LRRC7: variants seen among roughly 807,000 people sequenced by gnomAD.
LRRC7 encodes the protein leucine-rich repeat-containing protein 7.
In LRRC7, 23 loss-of-function variants were observed where a neutral mutation model predicts 175.7. The observed-to-expected ratio is 0.13, with a 90% CI of 0.09 to 0.19. The LOEUF (loss-of-function observed/expected upper bound fraction) is 0.19, where lower values mean the gene tolerates loss of function less well. LRRC7 is among the 10% of genes least tolerant of loss of function. The pLI is 1.00. For synonymous variants in LRRC7, 685 were observed against 680.9 expected, an observed-to-expected ratio of 1.01 and a Z score of -0.09; for missense variants, 1,354 against 1,904.7, an observed-to-expected ratio of 0.71 and a Z score of 5.38.
At chr1:70,089,395 T>C (rs1663855506) in intron 24 of LRRC7, among the ~76,000 whole-genome samples, 1 of 152,200 alleles carries the variant, frequency 6.6e-6, no homozygotes, top group African/African-American at 2.4e-5. Flanking sequence ...TTATGGTTGA[T>C]AGCTAAGATA....
chr1:69,618,211 C>T (rs1245276582), intron 1 of LRRC7, among the ~76,000 whole-genome samples: 1 of 152,064 alleles, frequency 6.6e-6, no homozygotes, highest in African/African-American at 2.4e-5. Flanking sequence ...CAGATCTGAT[C>T]GAAGCACTGG....
At chr1:69,986,139 T>C in intron 9 of LRRC7, 103 bp from the exon 10 acceptor site, 1 of 1,004,018 alleles carries the variant, frequency 1.0e-6, no homozygotes, top group East Asian at 2.5e-5. Context: ...GTTATTGTTG[T>C]GGTTGCTTTT....
intron 6 of LRRC7, among the ~76,000 whole-genome samples, chr1:69,836,880 A>C (rs1000877724): frequency 1.4e-5 from 2 of 145,090 alleles, no homozygotes; most frequent in Non-Finnish European, 3.1e-5. Context: ...GATAGGAGGC[A>C]AAAAAAAAAG....
Position 69,791,963 on chromosome 1 carries a change from G to A in LRRC7, c.304-80G>A, listed in dbSNP as rs1432801170. ...CTTTTACTACTACATATATAAACAT[G>A]GTGACTTTAATTTTGTTACTGAGTT... On this transcript the variant is annotated intron_variant, in intron 3 of 26. Coordinates refer to ENST00000651989, the MANE Select transcript of LRRC7 (RefSeq NM_001370785.2). 5 of 891,194 alleles carry A rather than the reference G, an allele frequency of 5.6e-6. No individual in the cohort carries two copies. The South Asian group carries it at 6.3e-5, about 11-fold the overall frequency. The allele number at this position is 891,194 out of a possible 1,614,324, so 55.2% of individuals were successfully genotyped here. A position where few individuals can be genotyped will look rare whatever the true frequency, so the allele number is the denominator to read the frequency against.
intron 1 of LRRC7, among the ~76,000 whole-genome samples, chr1:69,626,770 G>A (rs1651646345): frequency 7.4e-6 from 1 of 134,392 alleles, no homozygotes; most frequent in Non-Finnish European, 1.5e-5. Flanking sequence ...TCCCCATCCT[G>A]TGTGCAAGTG....
intron 1 of LRRC7, among the ~76,000 whole-genome samples, chr1:69,646,682 T>C (rs1655046286): frequency 6.6e-6 from 1 of 152,122 alleles, no homozygotes; most frequent in South Asian, 2.1e-4. Context: ...TCAGTACACA[T>C]TCACTGCTTC....
At chr1:70,116,874 G>A (rs1053117028) in intron 26 of LRRC7, among the ~76,000 whole-genome samples, 2 of 152,136 alleles carry the variant, frequency 1.3e-5, no homozygotes, top group Non-Finnish European at 2.9e-5. Context: ...TAGTTAATGT[G>A]AAGCACAATG....
intron 7 of LRRC7, among the ~76,000 whole-genome samples, chr1:69,915,001 G>A (rs577286004): frequency 6.6e-6 from 1 of 152,208 alleles, no homozygotes; most frequent in South Asian, 2.1e-4. Context: ...GACAAAACAG[G>A]CCAGATTCAG....
chr1:69,833,394 G>C (rs932617526), intron 5 of LRRC7, among the ~76,000 whole-genome samples: 4 of 152,058 alleles, frequency 2.6e-5, no homozygotes, highest in Admixed American at 2.6e-4. Context: ...TCAGGAATTT[G>C]TGGGGCAAAT....
intron 2 of LRRC7, among the ~76,000 whole-genome samples, chr1:69,748,359 A>G (rs1209195734): frequency 6.6e-6 from 1 of 152,170 alleles, no homozygotes; most frequent in Non-Finnish European, 1.5e-5. Context: ...GCACCAAATT[A>G]ACATTGCGTC....
At chr1:70,094,743 C>G (rs1558063574) in intron 25 of LRRC7, among the ~76,000 whole-genome samples, 1 of 152,082 alleles carries the variant, frequency 6.6e-6, no homozygotes, top group Admixed American at 6.6e-5. Flanking sequence ...CCAAGGATAA[C>G]AATACTCAGA....
chr1:69,844,555 A>G (rs1682120541), intron 7 of LRRC7, among the ~76,000 whole-genome samples: 1 of 152,100 alleles, frequency 6.6e-6, no homozygotes, highest in Non-Finnish European at 1.5e-5. Context: ...CTATATACAT[A>G]CATACCACAT....
intron 7 of LRRC7, among the ~76,000 whole-genome samples, chr1:69,902,853 T>A (rs1007084396): frequency 7.2e-5 from 11 of 152,328 alleles, no homozygotes; most frequent in African/African-American, 2.4e-4. Flanking sequence ...GTAACTATAA[T>A]TACCCATAAG....
At chr1:70,068,930 T>C (rs1040304580) in intron 23 of LRRC7, among the ~76,000 whole-genome samples, 1 of 152,128 alleles carries the variant, frequency 6.6e-6, no homozygotes, top group African/African-American at 2.4e-5. Context: ...TTTGCCCAAG[T>C]TGGAGAATTC....
intron 4 of LRRC7, 68 bp downstream of exon 4, chr1:69,792,228 C>T: frequency 2.3e-6 from 2 of 855,246 alleles, no homozygotes; most frequent in Non-Finnish European, 3.8e-6. Flanking sequence ...AATATCTTCT[C>T]TTAGCAAATA....
intron 4 of LRRC7, among the ~76,000 whole-genome samples, chr1:69,809,068 A>G (rs1001134439): frequency 3.9e-5 from 6 of 152,090 alleles, no homozygotes; most frequent in Admixed American, 3.3e-4. Flanking sequence ...TCAAATAGAC[A>G]CAATAAAAAA....
At chr1:69,877,592 C>T (rs1686159060) in intron 7 of LRRC7, among the ~76,000 whole-genome samples, 1 of 152,110 alleles carries the variant, frequency 6.6e-6, no homozygotes, top group Non-Finnish European at 1.5e-5. Flanking sequence ...ATTATCACCA[C>T]AATTTAATTT....
chr1:69,957,244 T>G (rs989525615), intron 8 of LRRC7, among the ~76,000 whole-genome samples: 1 of 151,890 alleles, frequency 6.6e-6, no homozygotes, highest in Non-Finnish European at 1.5e-5. Context: ...ATTTTTATTA[T>G]GACTTGGTTC....
chr1:69,798,444 A>G (rs1214934010), intron 4 of LRRC7, among the ~76,000 whole-genome samples: 2 of 152,152 alleles, frequency 1.3e-5, no homozygotes, highest in African/African-American at 4.8e-5. Flanking sequence ...TCCCCTCTGT[A>G]CTAATACACC....
Sources: allele counts gnomAD v4.1 joint callset (sites outside exome capture counted in the v4.1 genomes callset), GRCh38; gene constraint gnomAD v4.1.1; transcripts MANE v1.5; gene names NCBI Gene and HGNC (gene_info 2026-07-23, HGNC 2026-07-21).